The following CD8B2 variants were observed in gnomAD, a reference collection of about 807,000 sequenced individuals.
The protein encoded by CD8B2 is T-cell surface glycoprotein CD8 beta-2 chain.
A neutral mutation model predicts 23.7 loss-of-function variants in CD8B2; 11 were observed. The ratio of observed to expected loss-of-function variants is 0.46; its 90% CI spans 0.29 to 0.77. The LOEUF is 0.77. CD8B2 is among the 30% of genes least tolerant of loss of function. CD8B2 has a pLI of 0.09. For missense variants in CD8B2, 197 were observed against 270.5 expected (o/e 0.73, Z 1.91); for synonymous variants, 90 against 109.3 (o/e 0.82, Z 1.10).
In CD8B2 at chr2:106,502,294, C is replaced by CA. The variant is rs547491786; in HGVS notation, c.494-155dup. On this transcript the variant is annotated intron_variant, in intron 3 of 5. Transcript: ENST00000643224. ...TGGGTGACAGAGCAAGACTCTGTCT[C>CA]AAAAAAAAAAAAAAAAAAAAAAAAA... Among the ~76,000 whole-genome samples, 306 of 69,476 alleles carry CA rather than the reference C, an allele frequency of 4.4e-3. 14 individuals carry two copies. Among genetic ancestry groups the CA allele is most frequent in the African/African-American group, 0.018 (290 of 15,826 alleles). The allele number at this position is 69,476 out of a possible 152,430, so 45.6% of individuals were successfully genotyped here. A position where few individuals can be genotyped will look rare whatever the true frequency, so the allele number is the denominator to read the frequency against.
At chr2:106,520,813 T>A (rs1033604496) in intron 5 of CD8B2, among the ~76,000 whole-genome samples, 2 of 151,940 alleles carry the variant, frequency 1.3e-5, no homozygotes, top group African/African-American at 2.4e-5. Flanking sequence ...GAGGTTGCAG[T>A]GAGCCGAGAT....
rs1679611817 is a variant in CD8B2, at chr2:106,510,593, A to G, written c.*3653A>G. On this transcript the variant is annotated 3_prime_UTR_variant, in exon 6 of 6. Transcript: ENST00000643224. The stretch of plus-strand genomic sequence containing the variant: ...AAAATTTTTAAATTTTTTTCTGGGC[A>G]TGGTGGTGCTTGCCTGGAGTCCCAG... The G allele has an allele frequency of 6.6e-6, 1 of 152,134 alleles. No homozygotes were observed. Among genetic ancestry groups the G allele is most frequent in the African/African-American group, 2.4e-5 (1 of 41,436 alleles). 9.4% of individuals were successfully genotyped at this position (152,134 alleles called of 1,614,324 possible). A position where few individuals can be genotyped will look rare whatever the true frequency, so the allele number is the denominator to read the frequency against.
chr2:106,526,189 G>A (rs1573348169), intron 5 of CD8B2, among the ~76,000 whole-genome samples: 1 of 151,552 alleles, frequency 6.6e-6, no homozygotes, highest in East Asian at 1.9e-4. Flanking sequence ...TTCAGTGAGT[G>A]GAGATTGCAG....
rs1679339209 is a variant in CD8B2 at position 106,498,383 on chromosome 2, G to A, written c.493+2121G>A. Among the ~76,000 whole-genome samples, 5 of 152,122 alleles carry A rather than the reference G, an allele frequency of 3.3e-5. No individual in the cohort carries two copies. The South Asian group carries it at 1.0e-3, about 32-fold the overall frequency. ...AGCTGGTCTTGAGCTCCTGACTTCAGGTGATCCACCTGCCTTGGCCTCCCA... is the reference window on the plus strand; with the variant it reads ...AGCTGGTCTTGAGCTCCTGACTTCAAGTGATCCACCTGCCTTGGCCTCCCA... On this transcript the variant is annotated intron_variant, in intron 3 of 5. Transcript: ENST00000643224.
chr2:106,536,021 C>A (rs1463710412), intron 5 of CD8B2, among the ~76,000 whole-genome samples: 4 of 148,770 alleles, frequency 2.7e-5, no homozygotes, highest in Non-Finnish European at 5.9e-5. Context: ...GAGGCAGGTG[C>A]CACACACACT....
In CD8B2 at chr2:106,508,335, T is replaced by C. The variant is rs1373044382; in HGVS notation, c.*1395T>C. 4 of 151,842 alleles carry C rather than the reference T, an allele frequency of 2.6e-5. No homozygotes were observed. Among genetic ancestry groups the C allele is most frequent in the Admixed American group, 2.6e-4 (4 of 15,244 alleles). 9.4% of individuals were successfully genotyped at this position (151,842 alleles called of 1,614,324 possible). Reference sequence around the variant, plus strand: ...TGACAACCACAGAATGTAAGAAATGTTACAAAAAAAACAGGAAAGGAAAGA... The same window carrying C: ...TGACAACCACAGAATGTAAGAAATGCTACAAAAAAAACAGGAAAGGAAAGA... On this transcript the variant is annotated 3_prime_UTR_variant, in exon 6 of 6. Transcript: ENST00000643224.
At chr2:106,516,074 C>G (rs566045378), downstream of CD8B2, among the ~76,000 whole-genome samples, 2 of 152,176 alleles carry the variant, frequency 1.3e-5, no homozygotes, top group Non-Finnish European at 1.5e-5. Context: ...AGGTAATCCA[C>G]CCGCCTTGGC....
intron 5 of CD8B2, among the ~76,000 whole-genome samples, chr2:106,534,251 T>C (rs995310055): frequency 1.3e-5 from 2 of 151,980 alleles, no homozygotes; most frequent in African/African-American, 4.8e-5. Flanking sequence ...ACAAAATGGA[T>C]ATGCAGAGAA....
chr2:106,502,135 A>C (rs1349237817), intron 3 of CD8B2, among the ~76,000 whole-genome samples: 1 of 151,660 alleles, frequency 6.6e-6, no homozygotes, highest in Non-Finnish European at 1.5e-5. Context: ...CTCTCTACTA[A>C]AGATACAAAA....
At chr2:106,501,456 T>A (rs1333323435) in intron 3 of CD8B2, among the ~76,000 whole-genome samples, 1 of 151,448 alleles carries the variant, frequency 6.6e-6, no homozygotes, top group African/African-American at 2.4e-5. Context: ...CTGAGGCGGG[T>A]GGATCACTTG....
intron 3 of CD8B2, among the ~76,000 whole-genome samples, chr2:106,500,560 A>ATAAT (rs1553466760): frequency 0.011 from 1,320 of 118,840 alleles, 1 homozygote; most frequent in African/African-American, 0.038. Context: ...AAATAAATAA[A>ATAAT]TAATTAAAAA....
intron 3 of CD8B2, among the ~76,000 whole-genome samples, chr2:106,497,297 C>T (rs1181870178): frequency 6.6e-6 from 1 of 152,118 alleles, no homozygotes; most frequent in Non-Finnish European, 1.5e-5. Flanking sequence ...AGTTTTAATA[C>T]CTAACAGAGG....
chr2:106,516,304 G>A (rs867268678), intron 5 of CD8B2, among the ~76,000 whole-genome samples: 1 of 152,152 alleles, frequency 6.6e-6, no homozygotes, highest in Non-Finnish European at 1.5e-5. Flanking sequence ...CTGAAGCGAA[G>A]GAGCACCTTT....
chr2:106,526,498 G>A (rs2104571086), intron 5 of CD8B2, among the ~76,000 whole-genome samples: 1 of 152,264 alleles, frequency 6.6e-6, no homozygotes, highest in Non-Finnish European at 1.5e-5. Context: ...GACATTTCAT[G>A]TAAATGTAGT....
At chr2:106,498,888 G>A (rs377308817) in intron 3 of CD8B2, among the ~76,000 whole-genome samples, 10 of 152,228 alleles carry the variant, frequency 6.6e-5, no homozygotes, top group African/African-American at 2.4e-4. Context: ...GCTTAGGGCT[G>A]TTCCTAAGAC....
At chr2:106,500,610 T>G (rs1467306891) in intron 3 of CD8B2, among the ~76,000 whole-genome samples, 1 of 151,922 alleles carries the variant, frequency 6.6e-6, no homozygotes, top group African/African-American at 2.4e-5. Context: ...GGAGTTTGCA[T>G]TTAGTATGTA....
downstream of CD8B2, among the ~76,000 whole-genome samples, chr2:106,514,589 G>A (rs1679697221): frequency 6.6e-6 from 1 of 151,594 alleles, no homozygotes; most frequent in South Asian, 2.1e-4. Context: ...GCCCGGCCTG[G>A]AACGTCTGTC....
intron 5 of CD8B2, among the ~76,000 whole-genome samples, chr2:106,532,533 G>A (rs1424365621): frequency 1.3e-5 from 2 of 152,248 alleles, no homozygotes; most frequent in Non-Finnish European, 2.9e-5. Flanking sequence ...TCCATAGGCA[G>A]AGTAGCCCCA....
chr2:106,506,711 G>A lies in CD8B2; in HGVS notation c.621-217G>A, dbSNP rs563889232. ...GGAAGTAACCCAATTCAAAGCTACCGTTCTTTGAGCTGCAGTTTTGTTTTG... is the reference window on the plus strand; with the variant it reads ...GGAAGTAACCCAATTCAAAGCTACCATTCTTTGAGCTGCAGTTTTGTTTTG... On this transcript the variant is annotated intron_variant, in intron 5 of 5. Transcript: ENST00000643224. Among the ~76,000 whole-genome samples, 21 of 151,248 alleles carry A rather than the reference G, an allele frequency of 1.4e-4. 1 individual carries two copies. Among genetic ancestry groups the A allele is most frequent in the South Asian group, 4.2e-4 (2 of 4,708 alleles).
Sources: allele counts gnomAD v4.1 joint callset (sites outside exome capture counted in the v4.1 genomes callset), GRCh38; gene constraint gnomAD v4.1.1; transcripts MANE v1.5; gene names NCBI Gene and HGNC (gene_info 2026-07-23, HGNC 2026-07-21).